COL14A1: variants seen among roughly 807,000 people sequenced by gnomAD.
COL14A1 encodes collagen alpha-1(XIV) chain.
In COL14A1, 136 loss-of-function variants were observed where a neutral mutation model predicts 230.3. That is an observed-to-expected ratio of 0.59 (90% CI 0.51 to 0.68). The LOEUF is 0.68. Among genes scored for constraint, COL14A1 ranks in the 30% least tolerant of loss-of-function variants. COL14A1 has a pLI of 0.00. For missense variants in COL14A1, 1,976 were observed against 2,215.8 expected (o/e 0.89, Z 2.17); for synonymous variants, 792 against 784.1 (o/e 1.01, Z -0.17).
intron 25 of COL14A1, among the ~76,000 whole-genome samples, chr8:120,269,560 G>A (rs1819594739): frequency 1.3e-5 from 2 of 151,810 alleles, no homozygotes; most frequent in East Asian, 1.9e-4. Flanking sequence ...AGATTAATCT[G>A]GTTCCATTTT....
rs964900676 is a variant in COL14A1, at chr8:120,140,310, C to G, written c.-37-7496C>G. 3.3e-5 allele frequency among the ~76,000 whole-genome samples: 5 copies of G among 151,950 alleles called. 1 individual carries two copies. Among genetic ancestry groups the G allele is most frequent in the Admixed American group, 2.0e-4 (3 of 15,252 alleles). On this transcript the variant is annotated intron_variant, in intron 1 of 47. Transcript: ENST00000297848. ...TTCAAGTAAATTGTAAGTGAGCTCA[C>G]CTAAGGTTCACTTTTCAATTCATCT...
At chr8:120,132,817 G>A (rs1814575894) in intron 1 of COL14A1, among the ~76,000 whole-genome samples, 1 of 152,068 alleles carries the variant, frequency 6.6e-6, no homozygotes, top group Non-Finnish European at 1.5e-5. Flanking sequence ...ACACAAACAT[G>A]TTGAAAAAGT....
At position 120,255,138 on chromosome 8, in the gene COL14A1, A is replaced by G. The variant is rs181620135; in HGVS notation, c.2753-102A>G. On this transcript the variant is annotated intron_variant, in intron 22 of 47. Transcript: ENST00000297848. ...ATTGATGGATTTCCCAGCTCTGACT[A>G]TGCAGCTTTGAATGAAAATTTTTCC... 88 of 829,334 alleles carry G rather than the reference A, an allele frequency of 1.1e-4. No individual in the cohort carries two copies. In the Admixed American group the frequency reaches 1.3e-3, roughly 12 times the overall value. The allele number at this position is 829,334 out of a possible 1,614,324, so 51.4% of individuals were successfully genotyped here.
chr8:120,194,604 A>G (rs1816961381), intron 5 of COL14A1, among the ~76,000 whole-genome samples: 1 of 152,206 alleles, frequency 6.6e-6, no homozygotes, highest in Admixed American at 6.5e-5. Context: ...TGAATGAGCT[A>G]AATAAACAGA....
At chr8:120,218,497 A>G (rs1176397579) in intron 14 of COL14A1, among the ~76,000 whole-genome samples, 2 of 151,824 alleles carry the variant, frequency 1.3e-5, no homozygotes, top group Non-Finnish European at 2.9e-5. Context: ...TTTAGTAGAG[A>G]CAGGGTTTCA....
chr8:120,245,214 T>G (rs1335777615), intron 20 of COL14A1, among the ~76,000 whole-genome samples: 1 of 152,182 alleles, frequency 6.6e-6, no homozygotes, highest in Non-Finnish European at 1.5e-5. Context: ...CTTTTTTGTT[T>G]GTTGTTTTTG....
intron 19 of COL14A1, among the ~76,000 whole-genome samples, chr8:120,238,941 T>C (rs1818535674): frequency 6.6e-6 from 1 of 152,216 alleles, no homozygotes; most frequent in Non-Finnish European, 1.5e-5. Context: ...CTGCACCCAC[T>C]GTCTAACCAG....
chr8:120,345,780 A>G (rs970575043), intron 45 of COL14A1, among the ~76,000 whole-genome samples: 22 of 152,236 alleles, frequency 1.4e-4, no homozygotes, highest in South Asian at 6.2e-4. Context: ...CTTATATGAA[A>G]GAGGAAGGTT....
rs11776121 is a variant in COL14A1 at position 120,372,617 on chromosome 8, G to C, written c.*1386G>C. Among the ~76,000 whole-genome samples the C allele has an allele frequency of 0.079, 12,021 of 152,204 alleles. 627 individuals carry two copies. Among genetic ancestry groups the C allele is most frequent in the East Asian group, 0.2 (1,056 of 5,178 alleles). On this transcript the variant is annotated 3_prime_UTR_variant, in exon 48 of 48. Transcript: ENST00000297848. ...TGGGATCATTTACAACTAGAAGCTGGATTCTTTCTGGATCAGGAAAAGGCT... is the reference window on the plus strand; with the variant it reads ...TGGGATCATTTACAACTAGAAGCTGCATTCTTTCTGGATCAGGAAAAGGCT...
chr8:120,196,314 A>C (rs947976253), intron 5 of COL14A1, among the ~76,000 whole-genome samples: 2 of 152,188 alleles, frequency 1.3e-5, no homozygotes, highest in Non-Finnish European at 2.9e-5. Flanking sequence ...CGTGGCTGTA[A>C]TGTTTCCTTG....
At chr8:120,276,588 C>G (rs777701700) in intron 26 of COL14A1, among the ~76,000 whole-genome samples, 2 of 151,630 alleles carry the variant, frequency 1.3e-5, no homozygotes, top group African/African-American at 2.4e-5. Context: ...CATGCAGTGT[C>G]TGGTTTTCTG....
intron 1 of COL14A1, among the ~76,000 whole-genome samples, chr8:120,133,230 T>TAAAAAAAAAAA (rs201816439): frequency 8.7e-6 from 1 of 115,124 alleles, no homozygotes; most frequent in Non-Finnish European, 1.9e-5. Flanking sequence ...AAAAAAAAAA[T>TAAAAAAAAAAA]AAAAAAAAAA....
In COL14A1 at chr8:120,278,955, G is replaced by T. The variant is rs151132859; in HGVS notation, c.3481+377G>T. Reference sequence around the variant, plus strand: ...GAAAATGTGGCACATATAAGCCATGGAATACTATGCAGCCATAAAAAAGAA... The same window carrying T: ...GAAAATGTGGCACATATAAGCCATGTAATACTATGCAGCCATAAAAAAGAA... On this transcript the variant is annotated intron_variant, in intron 28 of 47. Transcript: ENST00000297848. Among the ~76,000 whole-genome samples the T allele has an allele frequency of 8.6e-3, 1,309 of 152,080 alleles. 7 individuals carry two copies. Among genetic ancestry groups the T allele is most frequent in the Non-Finnish European group, 0.013 (851 of 67,982 alleles).
At chr8:120,165,620 A>C (rs973519505) in intron 4 of COL14A1, among the ~76,000 whole-genome samples, 1 of 152,182 alleles carries the variant, frequency 6.6e-6, no homozygotes, top group African/African-American at 2.4e-5. Context: ...TTGCCCCTAC[A>C]TGAGGAAGAC....
Position 120,315,936 on chromosome 8 carries a change from C to T in COL14A1, c.4606-8C>T, listed in dbSNP as rs1363324228. 1.2e-6 allele frequency: 2 copies of T among 1,613,448 alleles called. No homozygotes were observed. Among genetic ancestry groups the T allele is most frequent in the Non-Finnish European group, 1.7e-6 (2 of 1,179,842 alleles). On this transcript the variant is annotated splice_polypyrimidine_tract_variant and splice_region_variant and intron_variant, in intron 39 of 47. Transcript: ENST00000297848. ...AACCTGACTCTTTTTTGTCCCTGTTCTACACAGGGTATCCCAGGAGGCGTT... is the reference window on the plus strand; with the variant it reads ...AACCTGACTCTTTTTTGTCCCTGTTTTACACAGGGTATCCCAGGAGGCGTT...
At chr8:120,248,951 A>T (rs1818849584) in intron 21 of COL14A1, among the ~76,000 whole-genome samples, 1 of 95,774 alleles carries the variant, frequency 1.0e-5, no homozygotes, top group South Asian at 3.7e-4. Context: ...TTTGAGACGG[A>T]GTCTCGCTCT....
chr8:120,213,273 ATACT>A (rs1321241159), intron 13 of COL14A1, among the ~76,000 whole-genome samples: 27 of 152,152 alleles, frequency 1.8e-4, no homozygotes, highest in Non-Finnish European at 3.7e-4. Context: ...CATACTGATA[ATACT>A]TACCACATAC....
chr8:120,189,804 G>A (rs1420552722), intron 5 of COL14A1, among the ~76,000 whole-genome samples: 1 of 152,008 alleles, frequency 6.6e-6, no homozygotes, highest in Non-Finnish European at 1.5e-5. Context: ...TCCCTACAAA[G>A]GACATGAACT....
chr8:120,289,025 G>A (rs1335665551), intron 33 of COL14A1, among the ~76,000 whole-genome samples: 4 of 151,908 alleles, frequency 2.6e-5, no homozygotes, highest in South Asian at 2.1e-4. Context: ...AAAATATCAC[G>A]GACCTCCAGA....
Sources: allele counts gnomAD v4.1 joint callset (sites outside exome capture counted in the v4.1 genomes callset), GRCh38; gene constraint gnomAD v4.1.1; transcripts MANE v1.5; gene names NCBI Gene and HGNC (gene_info 2026-07-23, HGNC 2026-07-21).